Variants in DNMT3B observed in about 807,000 individuals in gnomAD.
The protein encoded by DNMT3B is DNA (cytosine-5)-methyltransferase 3B.
A neutral mutation model predicts 120.2 loss-of-function variants in DNMT3B; 37 were observed. That is an observed-to-expected ratio of 0.31 (90% CI 0.24 to 0.40). DNMT3B has a LOEUF of 0.40. Ranked by LOEUF, DNMT3B falls within the 10% of genes least tolerant of loss-of-function variation. The pLI, the probability that DNMT3B is intolerant of heterozygous loss-of-function variation, is 1.00. For missense variants in DNMT3B, 878 were observed against 1,137.3 expected (o/e 0.77, Z 3.28); for synonymous variants, 412 against 442.8 (o/e 0.93, Z 0.87).
At chr20:32,802,099 T>A (rs1981408707) in intron 19 of DNMT3B, among the ~76,000 whole-genome samples, 1 of 152,114 alleles carries the variant, frequency 6.6e-6, no homozygotes, top group South Asian at 2.1e-4. Flanking sequence ...GGTTGGAGGA[T>A]CACTTGAGCC....
At chr20:32,787,132 C>T in intron 5 of DNMT3B, 98 bp from the exon 6 acceptor site, 1 of 1,417,030 alleles carries the variant, frequency 7.1e-7, no homozygotes, top group South Asian at 1.2e-5. Context: ...TCAGTCTTTC[C>T]TCTTTCTTTT....
Position 32,792,757 on chromosome 20 carries a change from C to T in DNMT3B, c.1053C>T (p.Asn351=). 2 of 1,614,176 alleles carry T rather than the reference C, an allele frequency of 1.2e-6. No individual in the cohort carries two copies. Among genetic ancestry groups the T allele is most frequent in the African/African-American group, 1.3e-5 (1 of 75,076 alleles). Residue 351 remains asparagine (N), a synonymous_variant, in exon 9 of 23, where the codon AAC becomes AAT. Coordinates refer to ENST00000328111, the MANE Select transcript of DNMT3B (RefSeq NM_006892.4). ...KPTGIEGLKP[N]NTQPVVNKSK... ...CTGGGATCGAGGGCCTCAAACCCAA[C>T]AACACGCAACCAGGTGGGAATGAGT...
intron 18 of DNMT3B, 56 bp from the exon 19 acceptor site, chr20:32,801,221 GT>G (rs1981300124): frequency 6.2e-7 from 1 of 1,613,206 alleles, no homozygotes; most frequent in Non-Finnish European, 8.5e-7. Context: ...AGGGAATAAG[GT>G]GGGTTGGGCT....
At chr20:32,765,422 C>CTTTTTTTTT (rs201623266) in intron 1 of DNMT3B, among the ~76,000 whole-genome samples, 7 of 121,298 alleles carry the variant, frequency 5.8e-5, no homozygotes, top group Admixed American at 9.1e-5. Flanking sequence ...CTCTTTTTTT[C>CTTTTTTTTT]TTTCTTTTTT....
At position 32,787,216 on chromosome 20, in the gene DNMT3B, C is replaced by T. The variant is rs1190055202; in HGVS notation, c.433-14C>T. The T allele has an allele frequency of 2.5e-6, 4 of 1,614,184 alleles. No homozygotes were observed. The highest frequency in any genetic ancestry group is 1.7e-6 in the Non-Finnish European group (2 of 1,180,018). On this transcript the variant is annotated splice_polypyrimidine_tract_variant and intron_variant, in intron 5 of 22. Coordinates refer to ENST00000328111, the MANE Select transcript of DNMT3B (RefSeq NM_006892.4). ...CTTTGCTCTGGCCCAAACTATGTGT[C>T]CTTCTGTCCACAGTCCCTGAGACGG...
At chr20:32,779,324 T>C (rs1978325178) in intron 1 of DNMT3B, among the ~76,000 whole-genome samples, 1 of 152,256 alleles carries the variant, frequency 6.6e-6, no homozygotes, top group Non-Finnish European at 1.5e-5. Context: ...ATCCTGGCCC[T>C]ACCTCTTAGA....
intron 6 of DNMT3B, 59 bp downstream of exon 6, chr20:32,787,510 C>A: frequency 6.5e-7 from 1 of 1,540,530 alleles, no homozygotes; most frequent in South Asian, 1.2e-5. Context: ...CGGGGAAAAA[C>A]CAGTTACCTG....
chr20:32,802,128 GTAA>G (rs1192184054), intron 19 of DNMT3B, among the ~76,000 whole-genome samples: 1 of 152,090 alleles, frequency 6.6e-6, no homozygotes, highest in Non-Finnish European at 1.5e-5. Flanking sequence ...ATCATATTTT[GTAA>G]TAATCTGGCG....
At chr20:32,785,597 A>T (rs1979174128) in intron 4 of DNMT3B, among the ~76,000 whole-genome samples, 1 of 152,190 alleles carries the variant, frequency 6.6e-6, no homozygotes, top group African/African-American at 2.4e-5. Context: ...TGTGGGTTAC[A>T]GTCTTCCCTT....
At position 32,780,371 on chromosome 20, in the gene DNMT3B, G is replaced by A; in HGVS notation, c.48G>A (p.Gly16=). Residue 16 remains glycine, a synonymous_variant, in exon 2 of 23, where the codon GGG becomes GGA. Coordinates refer to ENST00000328111, the MANE Select transcript of DNMT3B (RefSeq NM_006892.4). ...RHLNGEEDAG[G]REDSILVNGA... ...TCAATGGAGAGGAGGACGCCGGCGG[G>A]AGGGAAGACTCGATCCTCGTCAACG... The A allele has an allele frequency of 6.2e-7, 1 of 1,614,048 alleles. No individual in the cohort carries two copies. Among genetic ancestry groups the A allele is most frequent in the South Asian group, 1.1e-5 (1 of 91,076 alleles).
At chr20:32,772,464 G>GC (rs1336398416) in intron 1 of DNMT3B, among the ~76,000 whole-genome samples, 2 of 152,164 alleles carry the variant, frequency 1.3e-5, no homozygotes, top group Admixed American at 6.5e-5. Context: ...GACCTCCTTT[G>GC]CCCCCTTGGG....
intron 21 of DNMT3B, 79 bp from the exon 22 acceptor site, chr20:32,806,130 T>C (rs1601141350): frequency 2.2e-6 from 3 of 1,344,688 alleles, no homozygotes; most frequent in Non-Finnish European, 3.2e-6. Context: ...CCCCTCCATC[T>C]TTCCCAGGTA....
chr20:32,771,457 A>G (rs1987733009), intron 1 of DNMT3B, among the ~76,000 whole-genome samples: 1 of 152,118 alleles, frequency 6.6e-6, no homozygotes, highest in South Asian at 2.1e-4. Context: ...CCTGGCCAGC[A>G]TACTGAAACC....
intron 6 of DNMT3B, 70 bp downstream of exon 6, chr20:32,787,521 C>G: frequency 6.6e-7 from 1 of 1,504,492 alleles, no homozygotes; most frequent in African/African-American, 1.4e-5. Flanking sequence ...CAGTTACCTG[C>G]TACTGTTGGT....
rs111636345 is a variant in DNMT3B, at chr20:32,768,603, A to G, written c.-7+5904A>G. On this transcript the variant is annotated intron_variant, in intron 1 of 22. Coordinates refer to ENST00000328111, the MANE Select transcript of DNMT3B (RefSeq NM_006892.4). The stretch of plus-strand genomic sequence containing the variant: ...GCTGGGATTACAGGTGTGAGCCACC[A>G]TGCCTGGTCCCTTGCCTGCCTTTGA... Among the ~76,000 whole-genome samples, 459 of 152,190 alleles carry G rather than the reference A, an allele frequency of 3.0e-3. 3 individuals carry two copies. The highest frequency in any genetic ancestry group is 0.01 in the African/African-American group (434 of 41,530).
At position 32,798,492 on chromosome 20, in the gene DNMT3B, T is replaced by C; in HGVS notation, c.1523T>C (p.Val508Ala). ...CFCVECLEVL[V>A]GTGTAAEAKL... The stretch of plus-strand genomic sequence containing the variant: ...TGTGTGGAGTGCCTGGAGGTGCTGG[T>C]GGGCACAGGCACAGCGGCCGAGGCC... Residue 508 changes from valine to alanine, a missense_variant, in exon 15 of 23, where the codon GTG (valine) becomes GCG (alanine). This residue lies in a region of DNMT3B where 334 missense variants were observed against 518.8 expected (regional missense o/e 0.64). Transcript: ENST00000328111. 3.7e-6 allele frequency: 6 copies of C among 1,614,216 alleles called. No homozygotes were observed. The highest frequency in any genetic ancestry group is 5.1e-6 in the Non-Finnish European group (6 of 1,180,034).
intron 2 of DNMT3B, among the ~76,000 whole-genome samples, chr20:32,780,907 C>T (rs912423093): frequency 6.6e-6 from 1 of 152,210 alleles, no homozygotes; most frequent in Admixed American, 6.5e-5. Flanking sequence ...GAAAGCCCTG[C>T]ATTGTCCTCT....
At chr20:32,768,580 TG>T (rs1410374832) in intron 1 of DNMT3B, among the ~76,000 whole-genome samples, 2 of 152,136 alleles carry the variant, frequency 1.3e-5, no homozygotes, top group Non-Finnish European at 2.9e-5. Flanking sequence ...CCCAAAGTGC[TG>T]GGATTACAGG....
At chr20:32,793,884 A>T (rs6057647) in intron 10 of DNMT3B, among the ~76,000 whole-genome samples, 91,291 of 152,002 alleles carry the variant, frequency 0.6, 30,409 homozygotes, top group East Asian at 0.99. Flanking sequence ...AGGGTCCTTA[A>T]GATTTTTAAT....
Sources: gnomAD v4.1 joint callset for allele counts (sites outside exome capture counted in the v4.1 genomes callset) on GRCh38, gnomAD v4.1.1 for gene constraint, gnomAD v4.1.1 regional missense constraint, MANE v1.5 for transcripts, NCBI Gene and HGNC (gene_info 2026-07-23, HGNC 2026-07-21) for gene names.